The following ALDH6A1 variants were observed in gnomAD, a reference collection of about 807,000 sequenced individuals.
The protein encoded by ALDH6A1 is methylmalonate-semialdehyde/malonate-semialdehyde dehydrogenase [acylating], mitochondrial.
In ALDH6A1, 43 loss-of-function variants were observed where a neutral mutation model predicts 62.6. The ratio of observed to expected loss-of-function variants is 0.69; its 90% confidence interval spans 0.54 to 0.89. The LOEUF is 0.89. ALDH6A1 is among the 40% of genes least tolerant of loss of function. The probability of loss-of-function intolerance (pLI) is 0.00; values close to 1 mark genes in which losing one functional copy is unlikely to be tolerated. For synonymous variants in ALDH6A1, 194 were observed against 234.2 expected (o/e 0.83, Z 1.57); for missense variants, 551 against 661.3 (o/e 0.83, Z 1.83).
intron 11 of ALDH6A1, 194 bp downstream of exon 11, chr14:74,064,628 T>C (rs1410929126): frequency 6.4e-7 from 1 of 1,556,986 alleles, no homozygotes; most frequent in African/African-American, 1.4e-5. Flanking sequence ...TTTGTTGCTT[T>C]GAATTATTCA....
intron 11 of ALDH6A1, among the ~76,000 whole-genome samples, chr14:74,062,457 C>A (rs1333363949): frequency 6.6e-6 from 1 of 151,916 alleles, no homozygotes; most frequent in Non-Finnish European, 1.5e-5. Context: ...CAAAAATTGG[C>A]GGGTGTGGTG....
Position 74,068,998 on chromosome 14 carries a change from A to C in ALDH6A1, c.731-17T>G. The stretch of plus-strand genomic sequence containing the variant: ...AATTTACAGCTTTAAGAAGAAAATA[A>C]ATGATCACTCACAAAGGAGCAAATG... On this transcript the variant is annotated splice_polypyrimidine_tract_variant and intron_variant, in intron 6 of 11. Transcript: ENST00000553458. The C allele has an allele frequency of 6.2e-7, 1 of 1,613,222 alleles. No individual in the cohort carries two copies. The highest frequency in any genetic ancestry group is 8.5e-7 in the Non-Finnish European group (1 of 1,179,674).
chr14:74,072,037 A>C, intron 4 of ALDH6A1, 63 bp from the exon 5 acceptor site: 2 of 1,584,510 alleles, frequency 1.3e-6, no homozygotes, highest in Non-Finnish European at 8.7e-7. Flanking sequence ...ATTCTGAGGT[A>C]GCAAAGGAAG....
At chr14:74,066,472 T>A (rs1310880710) in intron 9 of ALDH6A1, among the ~76,000 whole-genome samples, 2 of 152,164 alleles carry the variant, frequency 1.3e-5, no homozygotes, top group African/African-American at 2.4e-5. Flanking sequence ...CCTGCAAAGC[T>A]GGAAATATCT....
chr14:74,074,995 C>A lies in ALDH6A1; in HGVS notation c.71G>T (p.Ser24Ile). 1 of 1,614,056 alleles carries A rather than the reference C, an allele frequency of 6.2e-7. No individual in the cohort carries two copies. The highest frequency in any genetic ancestry group is 8.5e-7 in the Non-Finnish European group (1 of 1,179,966). Residue 24 changes from serine (S) to isoleucine (I), a missense_variant, in exon 2 of 12, where the codon AGT becomes ATT. Physicochemically the swap from Ser to Ile is moderately radical, Grantham distance 142. Coordinates refer to ENST00000553458, the MANE Select transcript of ALDH6A1 (RefSeq NM_005589.4). ...ILQVSSKVKSSPTWYSASSFS... is the reference protein window; with the variant it reads ...ILQVSSKVKSIPTWYSASSFS... ...GGAAGATGCTGAATACCAGGTGGGACTGGATTTCACCTTGGAAGAAACCTG... is the reference window on the plus strand; with the variant it reads ...GGAAGATGCTGAATACCAGGTGGGAATGGATTTCACCTTGGAAGAAACCTG...
intron 11 of ALDH6A1, among the ~76,000 whole-genome samples, chr14:74,064,312 T>A (rs6574159): frequency 0.2 from 23,858 of 118,472 alleles, 2,131 homozygotes; most frequent in Admixed American, 0.25. Context: ...AAAAAAAAAA[T>A]AATAATAATA....
At chr14:74,069,331 T>G (rs1190457501) in intron 6 of ALDH6A1, 1 of 327,512 alleles carries the variant, frequency 3.1e-6, no homozygotes, top group South Asian at 2.6e-5. Context: ...CTTGAACTCC[T>G]GACCTCGTGA....
intron 6 of ALDH6A1, chr14:74,070,948 CT>C: frequency 1.9e-6 from 1 of 522,406 alleles, no homozygotes; most frequent in South Asian, 2.1e-5. Context: ...TTAATCTTAT[CT>C]GTGTCTAGCC....
Position 74,057,269 on chromosome 14 carries a change from T to C in ALDH6A1, c.*3373A>G, listed in dbSNP as rs747900236. ...CAGGAGTCTGACACAGTAAGGAGTC[T>C]GTATCTAATCAAACAATGTATATTG... On this transcript the variant is annotated 3_prime_UTR_variant, in exon 12 of 12. Coordinates refer to ENST00000553458, the MANE Select transcript of ALDH6A1 (RefSeq NM_005589.4). 3 of 1,614,036 alleles carry C rather than the reference T, an allele frequency of 1.9e-6. No homozygotes were observed. The highest frequency in any genetic ancestry group is 1.6e-4 in the Middle Eastern group (1 of 6,062).
chr14:74,060,291 C>T lies in ALDH6A1; in HGVS notation c.*351G>A, dbSNP rs1027796218. ...ATGGAATTACAGGCGTGAGCCACCG[C>T]GCCTGGCTGGAACATTTTCTTTACA... On this transcript the variant is annotated 3_prime_UTR_variant, in exon 12 of 12. Transcript: ENST00000553458. 11 of 271,690 alleles carry T rather than the reference C, an allele frequency of 4.0e-5. No homozygotes were observed. The highest frequency in any genetic ancestry group is 1.7e-4 in the East Asian group (2 of 12,038). The allele number at this position is 271,690 out of a possible 1,614,324, so 16.8% of individuals were successfully genotyped here. A position where few individuals can be genotyped will look rare whatever the true frequency, so the allele number is the denominator to read the frequency against.
intron 2 of ALDH6A1, 111 bp from the exon 3 acceptor site, chr14:74,072,722 A>G (rs926621012): frequency 8.2e-7 from 1 of 1,219,628 alleles, no homozygotes; most frequent in Admixed American, 2.0e-5. Context: ...ACAAGTTGAT[A>G]ACGGAATCTT....
chr14:74,077,396 C>A (rs969453437), intron 1 of ALDH6A1, among the ~76,000 whole-genome samples: 2 of 152,048 alleles, frequency 1.3e-5, no homozygotes, highest in Non-Finnish European at 2.9e-5. Flanking sequence ...TGAGACTGGG[C>A]AATTTATAAG....
At chr14:74,061,473 G>C (rs2060340377) in intron 11 of ALDH6A1, among the ~76,000 whole-genome samples, 1 of 151,878 alleles carries the variant, frequency 6.6e-6, no homozygotes, top group African/African-American at 2.4e-5. Flanking sequence ...AGCTATTTTT[G>C]TATTTTTAGT....
At chr14:74,065,782 A>G (rs1183448830) in intron 9 of ALDH6A1, 2 of 203,666 alleles carry the variant, frequency 9.8e-6, no homozygotes, top group East Asian at 1.3e-4. Flanking sequence ...TTTCTGTAAC[A>G]TAAATAATCC....
At chr14:74,066,929 A>G in intron 8 of ALDH6A1, 43 bp from the exon 9 acceptor site, 1 of 1,572,410 alleles carries the variant, frequency 6.4e-7, no homozygotes. Context: ...CATTAACATA[A>G]ATTATGACTG....
In ALDH6A1 at chr14:74,073,989, A is replaced by T. The variant is rs772895799; in HGVS notation, c.111+966T>A. Among the ~76,000 whole-genome samples, 274 of 144,588 alleles carry T rather than the reference A, an allele frequency of 1.9e-3. 4 individuals are homozygous for T. The highest frequency in any genetic ancestry group is 1.9e-3 in the Non-Finnish European group (129 of 66,396). The allele number at this position is 144,588 out of a possible 152,430, so 94.9% of individuals were successfully genotyped here. A position where few individuals can be genotyped will look rare whatever the true frequency, so the allele number is the denominator to read the frequency against. On this transcript the variant is annotated intron_variant, in intron 2 of 11. Coordinates refer to ENST00000553458, the MANE Select transcript of ALDH6A1 (RefSeq NM_005589.4). ...TCTGAGATATAGCTCACTTTAACTAATTTTTTTTTTTTTTAACATAGAGTC... is the reference window on the plus strand; with the variant it reads ...TCTGAGATATAGCTCACTTTAACTATTTTTTTTTTTTTTTAACATAGAGTC...
chr14:74,057,513 C>T lies in ALDH6A1; in HGVS notation c.*3129G>A, dbSNP rs949644196. 4.4e-4 allele frequency: 605 copies of T among 1,375,928 alleles called. No homozygotes were observed. Among genetic ancestry groups the T allele is most frequent in the Non-Finnish European group, 5.6e-4 (596 of 1,061,126 alleles). 85.2% of individuals were successfully genotyped at this position (1,375,928 alleles called of 1,614,324 possible). A position where few individuals can be genotyped will look rare whatever the true frequency, so the allele number is the denominator to read the frequency against. On this transcript the variant is annotated 3_prime_UTR_variant, in exon 12 of 12. Coordinates refer to ENST00000553458, the MANE Select transcript of ALDH6A1 (RefSeq NM_005589.4). The stretch of plus-strand genomic sequence containing the variant: ...TAGGTTGCCTTTTGAAGTAAACAGC[C>T]TAGCCAAAATGTGTACTATCTTTTA...
Position 74,060,811 on chromosome 14 carries a change from CT to C in ALDH6A1, c.1504-66del, listed in dbSNP as rs200183157. 1,651 of 1,182,882 alleles carry C rather than the reference CT, an allele frequency of 1.4e-3. 27 individuals carry two copies. The African/African-American group carries it at 0.023, about 16-fold the overall frequency. The allele number at this position is 1,182,882 out of a possible 1,614,324, so 73.3% of individuals were successfully genotyped here. ...GTTTCATGATTCTTCTTTTAATTAG[CT>C]TTTGAAGGAGGTATTATAAAGTGCT... On this transcript the variant is annotated intron_variant, in intron 11 of 11. Transcript: ENST00000553458.
chr14:74,068,890 T>G lies in ALDH6A1; in HGVS notation c.822A>C (p.Ser274=). The G allele has an allele frequency of 1.9e-6, 3 of 1,614,076 alleles. No individual in the cohort carries two copies. Among genetic ancestry groups the G allele is most frequent in the Non-Finnish European group, 2.5e-6 (3 of 1,179,974 alleles). Residue 274 remains serine (S), a synonymous_variant, in exon 7 of 12, where the codon TCA becomes TCC. Transcript: ENST00000553458. The part of the protein sequence containing the change: ...KAGEYIFERG[S]RHGKRVQANM... ...TGGCTTGAACCCTCTTGCCATGTCT[T>G]GATCCTCTCTCGAAGATATACTCTC...
Sources: allele counts gnomAD v4.1 joint callset (sites outside exome capture counted in the v4.1 genomes callset), GRCh38; gene constraint gnomAD v4.1.1; transcripts MANE v1.5; gene names NCBI Gene and HGNC (gene_info 2026-07-23, HGNC 2026-07-21).